Variants in TAFA2 observed in about 807,000 individuals in gnomAD.
TAFA2 encodes the protein TAFA chemokine like family member 2.
Under a neutral mutation model 18.8 loss-of-function variants are expected in TAFA2, and 7 were observed. The ratio of observed to expected loss-of-function variants is 0.37; its 90% CI spans 0.21 to 0.70. The LOEUF is 0.70. Ranked by LOEUF, TAFA2 falls within the 30% of genes least tolerant of loss-of-function variation. The probability of loss-of-function intolerance (pLI) is 0.53; values close to 1 mark genes in which losing one functional copy is unlikely to be tolerated. For missense variants in TAFA2, 122 were observed against 158.1 expected (o/e 0.77, Z 1.23); for synonymous variants, 60 against 54.2 (o/e 1.11, Z -0.47).
chr12:61,775,322 T>G (rs1345237323), intron 2 of TAFA2, among the ~76,000 whole-genome samples: 1 of 151,710 alleles, frequency 6.6e-6, no homozygotes, highest in Non-Finnish European at 1.5e-5. Context: ...CCCAAAGGGG[T>G]TGAAAACTTA....
intron 1 of TAFA2, among the ~76,000 whole-genome samples, chr12:62,113,204 T>C (rs1461651493): frequency 6.6e-6 from 1 of 152,216 alleles, no homozygotes; most frequent in East Asian, 1.9e-4. Flanking sequence ...ATGCTATTCC[T>C]TTCTGTTTGT....
At chr12:61,833,749 A>G (rs1872807204) in intron 2 of TAFA2, among the ~76,000 whole-genome samples, 1 of 151,978 alleles carries the variant, frequency 6.6e-6, no homozygotes. Flanking sequence ...TCTCTTGCCC[A>G]CCCAGATAAA....
At chr12:61,981,468 T>C (rs572673379) in intron 1 of TAFA2, among the ~76,000 whole-genome samples, 2 of 152,158 alleles carry the variant, frequency 1.3e-5, no homozygotes, top group East Asian at 3.9e-4. Context: ...TGGGATCTAA[T>C]TAAACTAAAG....
chr12:61,887,957 C>A (rs1429751273), intron 1 of TAFA2, among the ~76,000 whole-genome samples: 5 of 151,958 alleles, frequency 3.3e-5, no homozygotes, highest in African/African-American at 4.8e-5. Flanking sequence ...GACATTTATG[C>A]AGCCAAAAAA....
chr12:62,232,162 A>G (rs749640604), intron 1 of TAFA2, among the ~76,000 whole-genome samples: 11 of 152,206 alleles, frequency 7.2e-5, no homozygotes, highest in Non-Finnish European at 1.5e-4. Flanking sequence ...TGTGTTACTT[A>G]TAACACAAGC....
chr12:62,004,603 G>A (rs1170907889), intron 1 of TAFA2, among the ~76,000 whole-genome samples: 1 of 152,072 alleles, frequency 6.6e-6, no homozygotes, highest in Non-Finnish European at 1.5e-5. Context: ...GAATGTGATA[G>A]GGTATAAATT....
chr12:61,957,962 A>G (rs1592513679), intron 1 of TAFA2, among the ~76,000 whole-genome samples: 2 of 151,960 alleles, frequency 1.3e-5, no homozygotes, highest in African/African-American at 4.8e-5. Context: ...CATTGACACA[A>G]CCTTTACTCT....
At chr12:62,116,906 A>G (rs928833417) in intron 1 of TAFA2, among the ~76,000 whole-genome samples, 1 of 152,182 alleles carries the variant, frequency 6.6e-6, no homozygotes, top group Non-Finnish European at 1.5e-5. Flanking sequence ...ATTTTAAATA[A>G]GTTAAAATTA....
intron 2 of TAFA2, among the ~76,000 whole-genome samples, chr12:61,770,469 C>A (rs779943297): frequency 1.2e-4 from 18 of 152,166 alleles, no homozygotes; most frequent in Non-Finnish European, 2.2e-4. Flanking sequence ...AGGAAAGAAT[C>A]ATAAGAGCTG....
intron 1 of TAFA2, among the ~76,000 whole-genome samples, chr12:62,245,203 A>G (rs180765136): frequency 1.1e-3 from 170 of 152,106 alleles, no homozygotes; most frequent in African/African-American, 3.9e-3. Context: ...TTTCCTATGG[A>G]TATCTAGTGT....
At chr12:62,110,611 G>GA (rs1869679929) in intron 1 of TAFA2, among the ~76,000 whole-genome samples, 2 of 87,390 alleles carry the variant, frequency 2.3e-5, no homozygotes, top group Admixed American at 1.3e-4. Flanking sequence ...CTGGTCCTGG[G>GA]CTTTTTTTTT....
rs1880004202 is a variant in TAFA2 at position 61,991,337 on chromosome 12, A to C, written c.-1-123911T>G. On this transcript the variant is annotated intron_variant, in intron 1 of 4. Transcript: ENST00000416284. ...TGCAGATACTTTTCTTTTACATTTAAGGGGGTTATTAGAAATAATGATGCT... is the reference window on the plus strand; with the variant it reads ...TGCAGATACTTTTCTTTTACATTTACGGGGGTTATTAGAAATAATGATGCT... Among the ~76,000 whole-genome samples the C allele has an allele frequency of 2.0e-5, 3 of 152,226 alleles. No individual in the cohort carries two copies. In the South Asian group the frequency reaches 6.2e-4, roughly 31 times the overall value.
intron 1 of TAFA2, among the ~76,000 whole-genome samples, chr12:62,164,167 C>T (rs1035285179): frequency 6.6e-6 from 1 of 152,100 alleles, no homozygotes; most frequent in Non-Finnish European, 1.5e-5. Context: ...GCATAGCGCT[C>T]TTCCTTAGAA....
At chr12:61,840,230 T>C (rs547500827) in intron 2 of TAFA2, among the ~76,000 whole-genome samples, 15 of 152,106 alleles carry the variant, frequency 9.9e-5, no homozygotes, top group Admixed American at 5.2e-4. Flanking sequence ...CATTTTTAGG[T>C]TAATTCTGAC....
At chr12:61,925,982 G>T (rs1877272813) in intron 1 of TAFA2, among the ~76,000 whole-genome samples, 1 of 151,906 alleles carries the variant, frequency 6.6e-6, no homozygotes, top group Non-Finnish European at 1.5e-5. Flanking sequence ...AAAAAGAGAA[G>T]AATCAAATAG....
At chr12:61,881,369 C>A (rs565667423) in intron 1 of TAFA2, among the ~76,000 whole-genome samples, 1 of 152,278 alleles carries the variant, frequency 6.6e-6, no homozygotes, top group South Asian at 2.1e-4. Context: ...TTAGGATAAT[C>A]TATTGCTCCT....
At chr12:61,830,630 T>C (rs1468953917) in intron 2 of TAFA2, among the ~76,000 whole-genome samples, 1 of 151,796 alleles carries the variant, frequency 6.6e-6, no homozygotes, top group African/African-American at 2.4e-5. Flanking sequence ...AGATGAGAAA[T>C]TACTTAATGA....
intron 2 of TAFA2, among the ~76,000 whole-genome samples, chr12:61,855,492 G>T (rs1031884218): frequency 2.0e-5 from 3 of 152,064 alleles, no homozygotes; most frequent in Non-Finnish European, 2.9e-5. Context: ...CAGAACAACA[G>T]GGGTGGGAGA....
intron 1 of TAFA2, among the ~76,000 whole-genome samples, chr12:62,143,156 G>A (rs1263648530): frequency 1.3e-5 from 2 of 152,170 alleles, no homozygotes; most frequent in Non-Finnish European, 2.9e-5. Flanking sequence ...TCAACACGGA[G>A]ATGGCTGCAA....
Sources: allele counts gnomAD v4.1 joint callset (sites outside exome capture counted in the v4.1 genomes callset), GRCh38; gene constraint gnomAD v4.1.1; transcripts MANE v1.5; gene names NCBI Gene and HGNC (gene_info 2026-07-23, HGNC 2026-07-21).